The following MCTP2 variants were observed in gnomAD, a reference collection of about 807,000 sequenced individuals.
The protein encoded by MCTP2 is multiple C2 and transmembrane domain-containing protein 2.
MCTP2 carries 132 observed loss-of-function variants against 111.6 expected under a neutral mutation model. The ratio of observed to expected loss-of-function variants is 1.18; its 90% CI spans 1.03 to 1.37. The LOEUF is 1.37. MCTP2 is among the 40% of genes most tolerant of loss of function. The pLI is 0.00. For missense variants in MCTP2, 1,183 were observed against 1,067.9 expected, an observed-to-expected ratio of 1.11 and a Z score of -1.50; for synonymous variants, 395 against 387.7, an observed-to-expected ratio of 1.02 and a Z score of -0.22.
chr15:94,419,107 C>T (rs546576875), intron 17 of MCTP2, among the ~76,000 whole-genome samples: 48 of 152,002 alleles, frequency 3.2e-4, no homozygotes, highest in African/African-American at 7.5e-4. Context: ...ATAATAAAAG[C>T]GAGAAACATA....
rs965281167 is a variant in MCTP2 at position 94,248,233 on chromosome 15, A to G, written c.-66+16569A>G. On this transcript the variant is annotated intron_variant, in intron 1 of 22. Coordinates refer to ENST00000357742, the MANE Select transcript of MCTP2 (RefSeq NM_001385001.1). ...ATTATGTAACTAATAACAGCCTTGA[A>G]TAAGGAAACAAAATCCCTACACTTG... Among the ~76,000 whole-genome samples, 12 of 152,176 alleles carry G rather than the reference A, an allele frequency of 7.9e-5. No individual in the cohort carries two copies. In the South Asian group the frequency reaches 1.9e-3, roughly 24 times the overall value.
At chr15:94,312,476 G>A (rs116509990) in intron 2 of MCTP2, among the ~76,000 whole-genome samples, 2,600 of 152,268 alleles carry the variant, frequency 0.017, 67 homozygotes, top group African/African-American at 0.056. Context: ...TGAGAGTTAG[G>A]GCTGTCTTCC....
At chr15:94,384,182 C>A in intron 13 of MCTP2, 58 bp downstream of exon 13, 1 of 1,179,892 alleles carries the variant, frequency 8.5e-7, no homozygotes, top group Non-Finnish European at 1.2e-6. Flanking sequence ...GTCTGGGGCT[C>A]TTGAGTGGAA....
intron 1 of MCTP2, among the ~76,000 whole-genome samples, chr15:94,236,377 CTTTT>C (rs71132992): frequency 3.0e-3 from 221 of 72,504 alleles, no homozygotes; most frequent in Middle Eastern, 0.01. Flanking sequence ...TCTTTTTTTT[CTTTT>C]TTTTTTTTTT....
chr15:94,466,970 TTC>T (rs2073388325), intron 20 of MCTP2, among the ~76,000 whole-genome samples: 1 of 152,334 alleles, frequency 6.6e-6, no homozygotes, highest in Non-Finnish European at 1.5e-5. Context: ...ATCAATAACT[TTC>T]TTTCCATATT....
chr15:94,455,306 G>A (rs1286609389), intron 19 of MCTP2, among the ~76,000 whole-genome samples: 1 of 152,202 alleles, frequency 6.6e-6, no homozygotes, highest in Non-Finnish European at 1.5e-5. Context: ...TAAAAATACA[G>A]TGCCTTTGAA....
intron 17 of MCTP2, among the ~76,000 whole-genome samples, chr15:94,419,879 T>C (rs1349665647): frequency 6.6e-6 from 1 of 151,650 alleles, no homozygotes; most frequent in African/African-American, 2.4e-5. Context: ...TAAAGGTGGC[T>C]ACACTAAACA....
intron 1 of MCTP2, among the ~76,000 whole-genome samples, chr15:94,255,637 GAGAGTGGA>G (rs1346722957): frequency 6.6e-6 from 1 of 152,142 alleles, no homozygotes; most frequent in East Asian, 1.9e-4. Flanking sequence ...TTTGGTAGGA[GAGAGTGGA>G]GGAGGGCTTT....
At chr15:94,470,702 T>A (rs1194421827) in intron 21 of MCTP2, among the ~76,000 whole-genome samples, 1 of 152,204 alleles carries the variant, frequency 6.6e-6, no homozygotes, top group African/African-American at 2.4e-5. Context: ...CCCTTTGGGC[T>A]TTGCTAGTCA....
chr15:94,442,629 T>C (rs930809311), intron 18 of MCTP2, among the ~76,000 whole-genome samples: 8 of 152,086 alleles, frequency 5.3e-5, no homozygotes, highest in African/African-American at 1.9e-4. Context: ...AACAACACTG[T>C]TTACAGAAAG....
chr15:94,303,083 A>C lies in MCTP2; in HGVS notation c.465+4353A>C, dbSNP rs1310266870. Among the ~76,000 whole-genome samples the C allele has an allele frequency of 2.9e-5, 4 of 139,634 alleles. No individual in the cohort carries two copies. The East Asian group carries it at 8.0e-4, about 28-fold the overall frequency. The allele number at this position is 139,634 out of a possible 152,430, so 91.6% of individuals were successfully genotyped here. A position where few individuals can be genotyped will look rare whatever the true frequency, so the allele number is the denominator to read the frequency against. ...TGGAATATATATATATAGTTTATAT[A>C]TATATAGTTTATATAGTTTATATAT... On this transcript the variant is annotated intron_variant, in intron 2 of 22. Coordinates refer to ENST00000357742, the MANE Select transcript of MCTP2 (RefSeq NM_001385001.1).
intron 14 of MCTP2, among the ~76,000 whole-genome samples, chr15:94,397,426 A>G (rs1420557051): frequency 6.6e-6 from 1 of 152,236 alleles, no homozygotes; most frequent in Non-Finnish European, 1.5e-5. Context: ...AACTGGACCC[A>G]AGTCAGCTTG....
intron 1 of MCTP2, among the ~76,000 whole-genome samples, chr15:94,247,709 C>T (rs939397709): frequency 3.3e-5 from 5 of 152,146 alleles, no homozygotes; most frequent in African/African-American, 1.2e-4. Flanking sequence ...AAAAGCTGCC[C>T]TGTACCTTAT....
intron 7 of MCTP2, among the ~76,000 whole-genome samples, 194 bp from the exon 8 acceptor site, chr15:94,344,935 C>T (rs996017247): frequency 2.6e-5 from 4 of 152,128 alleles, no homozygotes; most frequent in Non-Finnish European, 5.9e-5. Context: ...GTAACACAAC[C>T]ACATACATGT....
chr15:94,382,765 T>C (rs1258021117), intron 12 of MCTP2, among the ~76,000 whole-genome samples: 1 of 152,260 alleles, frequency 6.6e-6, no homozygotes, highest in East Asian at 1.9e-4. Flanking sequence ...ACAGCGTCTG[T>C]CCTTGTGCCC....
At chr15:94,355,091 C>T (rs1322320921) in intron 8 of MCTP2, among the ~76,000 whole-genome samples, 1 of 151,774 alleles carries the variant, frequency 6.6e-6, no homozygotes. Flanking sequence ...GTGGGGATCC[C>T]GACTCAGACA....
At chr15:94,245,514 A>G (rs893081873) in intron 1 of MCTP2, among the ~76,000 whole-genome samples, 3 of 141,968 alleles carry the variant, frequency 2.1e-5, no homozygotes, top group East Asian at 2.0e-4. Context: ...ATGTATACAT[A>G]TATGTATATA....
intron 17 of MCTP2, among the ~76,000 whole-genome samples, chr15:94,435,487 T>C (rs1191761706): frequency 6.6e-6 from 1 of 151,870 alleles, no homozygotes; most frequent in African/African-American, 2.4e-5. Flanking sequence ...CTGAAAATGA[T>C]TTCGATATTT....
At chr15:94,263,238 A>G (rs2073303962) in intron 1 of MCTP2, among the ~76,000 whole-genome samples, 1 of 152,192 alleles carries the variant, frequency 6.6e-6, no homozygotes, top group African/African-American at 2.4e-5. Context: ...TGAATAGTGA[A>G]TGGGCATTGT....
Sources: gnomAD v4.1 joint callset for allele counts (sites outside exome capture counted in the v4.1 genomes callset) on GRCh38, gnomAD v4.1.1 for gene constraint, MANE v1.5 for transcripts, NCBI Gene and HGNC (gene_info 2026-07-23, HGNC 2026-07-21) for gene names.